Variants in MCM2 observed in about 807,000 individuals in gnomAD.
MCM2 encodes the protein DNA replication licensing factor MCM2.
Under a neutral mutation model 86.4 loss-of-function variants are expected in MCM2, and 49 were observed. That is an observed-to-expected ratio of 0.57 (90% confidence interval 0.45 to 0.72). The LOEUF is 0.72. Among genes scored for constraint, MCM2 ranks in the 30% least tolerant of loss-of-function variants. MCM2 has a pLI of 0.00. For synonymous variants in MCM2, 475 were observed against 484.6 expected, an observed-to-expected ratio of 0.98 and a Z score of 0.26; for missense variants, 1,038 against 1,259.9, an observed-to-expected ratio of 0.82 and a Z score of 2.67.
chr3:127,614,335 A>G (rs557224904), intron 8 of MCM2, among the ~76,000 whole-genome samples: 10 of 147,884 alleles, frequency 6.8e-5, no homozygotes, highest in Admixed American at 2.1e-4. Flanking sequence ...TTAATATCCA[A>G]TATTCTGTTG....
At chr3:127,611,251 CTTACAGTCCCT>C (rs1199229899) in intron 8 of MCM2, among the ~76,000 whole-genome samples, 1 of 152,190 alleles carries the variant, frequency 6.6e-6, no homozygotes, top group Non-Finnish European at 1.5e-5. Context: ...CTGCTGGGGT[CTTACAGTCCCT>C]AAGCAGCCGG....
Position 127,606,207 on chromosome 3 carries a change from C to T in MCM2, c.763C>T (p.Leu255=). 2.5e-6 allele frequency: 4 copies of T among 1,614,244 alleles called. No homozygotes were observed. The highest frequency in any genetic ancestry group is 3.4e-6 in the Non-Finnish European group (4 of 1,180,046). ...CTTCCTGCCTGAGGCACCGGCGGAGCTGCTGCAGATCTTTGATGAGGCTGC... is the reference window on the plus strand; with the variant it reads ...CTTCCTGCCTGAGGCACCGGCGGAGTTGCTGCAGATCTTTGATGAGGCTGC... The part of the protein sequence containing the change: ...AYFLPEAPAE[L]LQIFDEAALE... Residue 255 remains leucine (L), a synonymous_variant, in exon 5 of 16, where the codon CTG becomes TTG. Transcript: ENST00000265056. The surrounding 1 kb of genome is among the most constrained non-coding windows in gnomAD (Gnocchi z 4.2).
intron 4 of MCM2, 127 bp downstream of exon 4, chr3:127,605,283 CAA>C: frequency 7.7e-7 from 1 of 1,293,900 alleles, no homozygotes; most frequent in Non-Finnish European, 1.1e-6. Flanking sequence ...TCAGAGAAAC[CAA>C]AAGTTTTGAG....
intron 8 of MCM2, among the ~76,000 whole-genome samples, chr3:127,609,316 G>A (rs1424915171): frequency 6.6e-6 from 1 of 152,294 alleles, no homozygotes; most frequent in East Asian, 1.9e-4. Context: ...ACGGGGTTGC[G>A]ACGAGAAGAG....
chr3:127,613,436 A>G (rs2074413372), intron 8 of MCM2, among the ~76,000 whole-genome samples: 1 of 152,184 alleles, frequency 6.6e-6, no homozygotes, highest in African/African-American at 2.4e-5. Flanking sequence ...GGCATTGTCT[A>G]GGTAATTTCT....
chr3:127,608,725 G>T lies in MCM2; in HGVS notation c.1237-107G>T, dbSNP rs947245386. 4 of 1,239,674 alleles carry T rather than the reference G, an allele frequency of 3.2e-6. No individual in the cohort carries two copies. The African/African-American group carries it at 6.0e-5, about 18-fold the overall frequency. 76.8% of individuals were successfully genotyped at this position (1,239,674 alleles called of 1,614,324 possible). ...GGGTTTTACTGAGTTACTTATCTTGGTGTCTGTAGTGTGGAGCACTTGCAA... is the reference window on the plus strand; with the variant it reads ...GGGTTTTACTGAGTTACTTATCTTGTTGTCTGTAGTGTGGAGCACTTGCAA... On this transcript the variant is annotated intron_variant, in intron 7 of 15. Coordinates refer to ENST00000265056, the MANE Select transcript of MCM2 (RefSeq NM_004526.4).
chr3:127,621,531 C>A, intron 15 of MCM2, 132 bp from the exon 16 acceptor site: 1 of 649,568 alleles, frequency 1.5e-6, no homozygotes, highest in Non-Finnish European at 2.7e-6. Context: ...CCTTAATCGG[C>A]CTCTCCACCC....
At position 127,618,117 on chromosome 3, in the gene MCM2, G is replaced by T; in HGVS notation, c.2013+36G>T. ...CATGTGCCCGGTTTCCATGAACTGT[G>T]GTTTGGGGACCTCAGGTGAGGCTTG... On this transcript the variant is annotated intron_variant, in intron 12 of 15. Coordinates refer to ENST00000265056, the MANE Select transcript of MCM2 (RefSeq NM_004526.4). This position sits in a 1 kb window ranked among gnomAD's most constrained non-coding sequence, Gnocchi z 4.0. 1 of 1,568,018 alleles carries T rather than the reference G, an allele frequency of 6.4e-7. No individual in the cohort carries two copies. Among genetic ancestry groups the T allele is most frequent in the Non-Finnish European group, 8.8e-7 (1 of 1,140,316 alleles).
In MCM2 at chr3:127,621,006, C is replaced by T. The variant is rs554355446; in HGVS notation, c.2449-67C>T. Reference sequence around the variant, plus strand: ...AGCCTGTCTGACCTGGGTGCTGGCACGTAGGGTAAAGGGAGTGTGGCAGGC... The same window carrying T: ...AGCCTGTCTGACCTGGGTGCTGGCATGTAGGGTAAAGGGAGTGTGGCAGGC... On this transcript the variant is annotated intron_variant, in intron 14 of 15. Transcript: ENST00000265056. 9 of 1,591,132 alleles carry T rather than the reference C, an allele frequency of 5.7e-6. No individual in the cohort carries two copies. In the South Asian group the frequency reaches 5.8e-5, roughly 10 times the overall value.
chr3:127,601,137 A>G (rs894864384), intron 2 of MCM2, among the ~76,000 whole-genome samples: 2 of 152,136 alleles, frequency 1.3e-5, no homozygotes, highest in African/African-American at 4.8e-5. Flanking sequence ...AAATTGAATC[A>G]TATTATATAT....
chr3:127,621,214 G>T lies in MCM2; in HGVS notation c.2590G>T (p.Asp864Tyr), dbSNP rs546971936. ...QQDTIEVPEK[D>Y]LVDKARQINI... ...GGACACTATTGAGGTCCCTGAGAAG[G>T]ACTTGGTGGATAAGGTATGGGCCCG... Residue 864 changes from aspartate to tyrosine, a missense_variant, in exon 15 of 16, where the codon GAC becomes TAC. This residue lies in a region of MCM2 where 336 missense variants were observed against 425.7 expected (regional missense o/e 0.79). Coordinates refer to ENST00000265056, the MANE Select transcript of MCM2 (RefSeq NM_004526.4). The T allele has an allele frequency of 1.2e-6, 2 of 1,614,140 alleles. No individual in the cohort carries two copies. The highest frequency in any genetic ancestry group is 3.3e-5 in the Admixed American group (2 of 60,022).
intron 8 of MCM2, among the ~76,000 whole-genome samples, chr3:127,613,273 T>C (rs1003351516): frequency 1.3e-5 from 2 of 152,160 alleles, no homozygotes; most frequent in Non-Finnish European, 2.9e-5. Context: ...TGAGCTGGGT[T>C]AAGAGGAGTC....
Position 127,604,902 on chromosome 3 carries a change from A to G in MCM2, c.419A>G (p.Asp140Gly). ...GTGTCTCTTGCCTCCCCAGACAGCG[A>G]TGAGGAGGACGAGGAGCGCCCTGCC... ...RMRRGLLYDS[D>G]EEDEERPARK... Residue 140 changes from aspartate to glycine, a missense_variant, in exon 4 of 16, where the codon GAT (aspartate) becomes GGT (glycine). This residue lies in a region of MCM2 where 300 missense variants were observed against 307.4 expected (regional missense o/e 0.98). Transcript: ENST00000265056. The G allele has an allele frequency of 6.2e-7, 1 of 1,610,676 alleles. No homozygotes were observed.
Position 127,609,012 on chromosome 3 carries a change from A to G in MCM2, c.1417A>G (p.Ile473Val). ...MITSLSKDQQ[I>V]GEKIFASIAP... ...CACTAGCCTCTCCAAGGATCAGCAGATCGGAGAGAAGGTAGGTGGAAGGCA... is the reference window on the plus strand; with the variant it reads ...CACTAGCCTCTCCAAGGATCAGCAGGTCGGAGAGAAGGTAGGTGGAAGGCA... Residue 473 changes from isoleucine (I) to valine (V), a missense_variant, in exon 8 of 16, where the codon ATC becomes GTC. Around this residue, in one of 4 missense-constraint regions of MCM2, gnomAD observed 399 missense variants for 507.2 expected, o/e 0.79. Transcript: ENST00000265056. 1.9e-6 allele frequency: 3 copies of G among 1,613,960 alleles called. No homozygotes were observed. Among genetic ancestry groups the G allele is most frequent in the Non-Finnish European group, 2.5e-6 (3 of 1,179,984 alleles).
intron 8 of MCM2, among the ~76,000 whole-genome samples, chr3:127,614,750 A>G (rs2074421329): frequency 6.6e-6 from 1 of 152,170 alleles, no homozygotes; most frequent in Non-Finnish European, 1.5e-5. Flanking sequence ...TGAGGTTTCC[A>G]CGCTGCAGGT....
intron 2 of MCM2, among the ~76,000 whole-genome samples, chr3:127,601,013 G>A (rs183305117): frequency 7.8e-4 from 118 of 152,182 alleles, no homozygotes; most frequent in African/African-American, 2.8e-3. Flanking sequence ...GAACAGGGCC[G>A]TTTTCCCATT....
intron 8 of MCM2, among the ~76,000 whole-genome samples, chr3:127,611,682 C>CTTTTTTTTTTT (rs59607211): frequency 3.7e-5 from 2 of 54,256 alleles, no homozygotes; most frequent in African/African-American, 8.1e-5. Flanking sequence ...CTGCAGCTGA[C>CTTTTTTTTTTT]TTTTTTTTTT....
chr3:127,617,916 AG>A lies in MCM2; in HGVS notation c.1901-52del. 1.4e-6 allele frequency: 2 copies of A among 1,414,926 alleles called. No individual in the cohort carries two copies. 87.6% of individuals were successfully genotyped at this position (1,414,926 alleles called of 1,614,324 possible). ...CCATCAGAGCAGCCTGGGGTCCCTG[AG>A]ATGGGAGGATAGGGGAATCCACCCT... On this transcript the variant is annotated intron_variant, in intron 11 of 15. Coordinates refer to ENST00000265056, the MANE Select transcript of MCM2 (RefSeq NM_004526.4). This position sits in a 1 kb window ranked among gnomAD's most constrained non-coding sequence, Gnocchi z 4.1.
intron 1 of MCM2, chr3:127,598,875 G>T: frequency 5.7e-6 from 2 of 353,630 alleles, no homozygotes; most frequent in Non-Finnish European, 1.0e-5. Context: ...CCTTTGTCTT[G>T]TATACTGTCT....
Sources: gnomAD v4.1 joint callset for allele counts (sites outside exome capture counted in the v4.1 genomes callset) on GRCh38, gnomAD v4.1.1 for gene constraint, gnomAD v4.1.1 regional missense constraint, Gnocchi (gnomAD v3.1) non-coding constraint, MANE v1.5 for transcripts, NCBI Gene and HGNC (gene_info 2026-07-23, HGNC 2026-07-21) for gene names.